ITGAL: variants seen among roughly 807,000 people sequenced by gnomAD.
The protein encoded by ITGAL is integrin alpha-L.
Under a neutral mutation model 138.4 loss-of-function variants are expected in ITGAL, and 68 were observed. The observed-to-expected ratio is 0.49, with a 90% CI of 0.40 to 0.60. The LOEUF is 0.60. ITGAL is among the 20% of genes least tolerant of loss of function. The pLI is 0.00. For missense variants in ITGAL, 1,256 were observed against 1,478.6 expected, an observed-to-expected ratio of 0.85 and a Z score of 2.47; for synonymous variants, 561 against 584.3, an observed-to-expected ratio of 0.96 and a Z score of 0.57.
intron 4 of ITGAL, among the ~76,000 whole-genome samples, chr16:30,476,167 T>TGCCTCCCG (rs2050468862): frequency 6.6e-6 from 1 of 151,340 alleles, no homozygotes; most frequent in Middle Eastern, 3.2e-3. Context: ...AGGAGAATGG[T>TGCCTCCCG]GTGAACCCGG....
intron 4 of ITGAL, 144 bp downstream of exon 4, chr16:30,475,724 A>T: frequency 7.3e-6 from 3 of 409,878 alleles, no homozygotes; most frequent in East Asian, 1.1e-4. Context: ...AGAACCAATG[A>T]TGAACCAGCC....
At position 30,518,626 on chromosome 16, in the gene ITGAL, C is replaced by T. The variant is rs766348357; in HGVS notation, c.3135C>T (p.Ala1045=). The change falls in exon 29 of 31, where the codon GCC becomes GCT. Residue 1045 remains alanine (A), a splice_region_variant and synonymous_variant. Coordinates refer to ENST00000356798, the MANE Select transcript of ITGAL (RefSeq NM_002209.3). ...GTLELVGEIE[A]SSMFSLCSSL... is the part of the protein sequence containing the mutation. Reference sequence around the variant, plus strand: ...GACGCCTTTCCCCGCTCCCACAGGCCTCTTCCATGTTCAGCCTCTGCAGCT... The same window carrying T: ...GACGCCTTTCCCCGCTCCCACAGGCTTCTTCCATGTTCAGCCTCTGCAGCT... 1.4e-5 allele frequency: 22 copies of T among 1,612,536 alleles called. No homozygotes were observed. In the Admixed American group the frequency reaches 3.2e-4, roughly 23 times the overall value.
chr16:30,506,887 C>T (rs762505841), intron 21 of ITGAL, 31 bp downstream of exon 21: 7 of 1,611,442 alleles, frequency 4.3e-6, no homozygotes, highest in East Asian at 2.2e-5. Context: ...TGCCTGCGGG[C>T]ATCTGTTCGG....
chr16:30,510,053 AT>A (rs34761424), intron 21 of ITGAL, among the ~76,000 whole-genome samples: 75,600 of 150,008 alleles, frequency 0.5, 19,619 homozygotes, highest in South Asian at 0.76. Flanking sequence ...AAAAAAAAAA[AT>A]TTTTTTTAAT....
intron 7 of ITGAL, among the ~76,000 whole-genome samples, chr16:30,483,601 C>T (rs1241927707): frequency 6.6e-6 from 1 of 152,184 alleles, no homozygotes; most frequent in Admixed American, 6.5e-5. Flanking sequence ...CTCTGGGACA[C>T]CCTCTGGACT....
rs1478765193 is a variant in ITGAL at position 30,521,851 on chromosome 16, T to G, written c.*186T>G. The G allele has an allele frequency of 5.0e-6, 3 of 604,296 alleles. No homozygotes were observed. Among genetic ancestry groups the G allele is most frequent in the Non-Finnish European group, 8.5e-6 (3 of 351,632 alleles). 37.4% of individuals were successfully genotyped at this position (604,296 alleles called of 1,614,324 possible). A position where few individuals can be genotyped will look rare whatever the true frequency, so the allele number is the denominator to read the frequency against. ...CCTTTGCAGGCTCATAGGGAAGACC[T>G]GCTGAGGGACCAGCCAAGAGGGCTG... is the stretch of plus-strand genomic sequence containing the variant. On this transcript the variant is annotated 3_prime_UTR_variant, in exon 31 of 31. Coordinates refer to ENST00000356798, the MANE Select transcript of ITGAL (RefSeq NM_002209.3).
At chr16:30,491,877 A>G (rs1054807065) in intron 11 of ITGAL, among the ~76,000 whole-genome samples, 1 of 152,208 alleles carries the variant, frequency 6.6e-6, no homozygotes, top group Non-Finnish European at 1.5e-5. Flanking sequence ...AGGAAGCAGT[A>G]GCACTAGGAT....
At chr16:30,499,521 A>T (rs753139622) in intron 17 of ITGAL, 32 bp downstream of exon 17, 1 of 1,607,204 alleles carries the variant, frequency 6.2e-7, no homozygotes, top group South Asian at 1.1e-5. Flanking sequence ...CTCTGGGATG[A>T]GCTACCTGCA....
At chr16:30,478,697 C>CAAAAA (rs59193580) in intron 4 of ITGAL, among the ~76,000 whole-genome samples, 16 of 105,926 alleles carry the variant, frequency 1.5e-4, no homozygotes, top group East Asian at 5.1e-4. Flanking sequence ...GACTCCATCT[C>CAAAAA]AAAAAAAAAA....
chr16:30,517,955 T>G, intron 28 of ITGAL, 60 bp downstream of exon 28: 1 of 1,376,848 alleles, frequency 7.3e-7, no homozygotes, highest in South Asian at 1.2e-5. Flanking sequence ...CTGGGGCCGT[T>G]GTGGGTGGGC....
intron 4 of ITGAL, chr16:30,477,206 C>T (rs1170702464): frequency 1.3e-5 from 2 of 152,062 alleles, no homozygotes; most frequent in East Asian, 3.9e-4. Flanking sequence ...TATTTAGCTA[C>T]TATTATAGCC....
In ITGAL at chr16:30,518,661, T is replaced by C; in HGVS notation, c.3170T>C (p.Ile1057Thr). The change falls in exon 29 of 31, where the codon ATC (isoleucine) becomes ACC (threonine). Residue 1057 changes from isoleucine (I) to threonine (T), a missense_variant. Physicochemically the swap from Ile to Thr is moderately conservative, Grantham distance 89. Around this residue, in one of 3 missense-constraint regions of ITGAL, gnomAD observed 867 missense variants for 972.5 expected, o/e 0.89. Transcript: ENST00000356798. ...TTCAGCCTCTGCAGCTCCCTCTCCA[T>C]CTCCTTCAACAGCAGCAAGCATTTC... ...SMFSLCSSLSISFNSSKHFHL... is the reference protein window; with the variant it reads ...SMFSLCSSLSTSFNSSKHFHL... 3 of 1,613,886 alleles carry C rather than the reference T, an allele frequency of 1.9e-6. No individual in the cohort carries two copies. The highest frequency in any genetic ancestry group is 2.5e-6 in the Non-Finnish European group (3 of 1,179,930).
intron 11 of ITGAL, among the ~76,000 whole-genome samples, chr16:30,493,245 C>CATTTT (rs58908720): frequency 0.34 from 47,186 of 139,550 alleles, 9,211 homozygotes; most frequent in East Asian, 0.82. Flanking sequence ...TAATATATAC[C>CATTTT]ATTTTATTTT....
Position 30,494,421 on chromosome 16 carries a change from C to T in ITGAL, c.1365+58C>T. 4 of 1,509,522 alleles carry T rather than the reference C, an allele frequency of 2.6e-6. No individual in the cohort carries two copies. The highest frequency in any genetic ancestry group is 2.7e-6 in the Non-Finnish European group (3 of 1,116,548). 93.5% of individuals were successfully genotyped at this position (1,509,522 alleles called of 1,614,324 possible). ...GGACTGGCGGGACACACATCACACTCCCTTCTGTCCTTTGAATGCTCATCC... is the reference window on the plus strand; with the variant it reads ...GGACTGGCGGGACACACATCACACTTCCTTCTGTCCTTTGAATGCTCATCC... On this transcript the variant is annotated intron_variant, in intron 12 of 30. Coordinates refer to ENST00000356798, the MANE Select transcript of ITGAL (RefSeq NM_002209.3). This position sits in a 1 kb window ranked among gnomAD's most constrained non-coding sequence, Gnocchi z 4.2.
intron 21 of ITGAL, 86 bp from the exon 22 acceptor site, chr16:30,510,275 G>A (rs1472878184): frequency 2.6e-6 from 2 of 773,516 alleles, no homozygotes; most frequent in Non-Finnish European, 4.7e-6. Context: ...AGAGCCCCTG[G>A]GGGAGGTAGG....
chr16:30,511,074 G>A lies in ITGAL; in HGVS notation c.2724G>A (p.Leu908=), dbSNP rs1237060165. The A allele has an allele frequency of 6.2e-7, 1 of 1,613,774 alleles. No individual in the cohort carries two copies. Among genetic ancestry groups the A allele is most frequent in the Non-Finnish European group, 8.5e-7 (1 of 1,179,912 alleles). The change falls in exon 24 of 31, where the codon CTG becomes CTA. Residue 908 remains leucine (L), a synonymous_variant. Transcript: ENST00000356798. ...GTAACAATGAGGACTCAGACCTCCT[G>A]GAGGACAACTCAGCCACTACCATCA... The part of the protein sequence containing the change: ...VTCNNEDSDL[L]EDNSATTIIP...
chr16:30,518,543 C>A, intron 28 of ITGAL, 81 bp from the exon 29 acceptor site: 1 of 893,768 alleles, frequency 1.1e-6, no homozygotes. Context: ...TGCCCCTCCC[C>A]ACTGTGTTGT....
chr16:30,499,928 T>G (rs1597089781), intron 17 of ITGAL, among the ~76,000 whole-genome samples: 1 of 149,232 alleles, frequency 6.7e-6, no homozygotes, highest in South Asian at 2.1e-4. Flanking sequence ...TTTGTATTTT[T>G]GGGAGAGATA....
At chr16:30,483,470 C>T (rs1186424427) in intron 7 of ITGAL, among the ~76,000 whole-genome samples, 1 of 152,220 alleles carries the variant, frequency 6.6e-6, no homozygotes, top group Non-Finnish European at 1.5e-5. Flanking sequence ...CTCTCTTCCA[C>T]ATTGAAATCT....
Sources: allele counts gnomAD v4.1 joint callset (sites outside exome capture counted in the v4.1 genomes callset), GRCh38; gene constraint gnomAD v4.1.1; regional missense constraint gnomAD v4.1.1; non-coding constraint Gnocchi (gnomAD v3.1); transcripts MANE v1.5; gene names NCBI Gene and HGNC (gene_info 2026-07-23, HGNC 2026-07-21).